Variants in ZNF215 observed in about 807,000 individuals in gnomAD.
ZNF215 encodes BWSCR2-associated zinc finger protein 2.
ZNF215 carries 24 observed loss-of-function variants against 27.2 expected under a neutral mutation model. The observed-to-expected ratio is 0.88, with a 90% CI of 0.64 to 1.24. The LOEUF (loss-of-function observed/expected upper bound fraction) is 1.24. Among genes scored for constraint, ZNF215 ranks in the 50% most tolerant of loss-of-function variants. The probability of loss-of-function intolerance (pLI) is 0.00; values close to 1 mark genes in which losing one functional copy is unlikely to be tolerated. For missense variants in ZNF215, 675 were observed against 605.7 expected (o/e 1.11, Z -1.20); for synonymous variants, 210 against 204.0 (o/e 1.03, Z -0.25).
intron 2 of ZNF215, among the ~76,000 whole-genome samples, chr11:6,931,294 C>T (rs1849249936): frequency 6.6e-6 from 1 of 152,228 alleles, no homozygotes. Flanking sequence ...GAGATACTGG[C>T]TCCTGGGGGA....
At chr11:6,939,054 A>G (rs1311184062) in intron 3 of ZNF215, among the ~76,000 whole-genome samples, 1 of 152,180 alleles carries the variant, frequency 6.6e-6, no homozygotes, top group African/African-American at 2.4e-5. Context: ...AGGAAGTAAA[A>G]ATTGAAAGGA....
intron 5 of ZNF215, among the ~76,000 whole-genome samples, chr11:6,966,141 G>A (rs1043619861): frequency 2.0e-5 from 3 of 152,024 alleles, no homozygotes; most frequent in African/African-American, 7.2e-5. Flanking sequence ...AGCACTTGGT[G>A]TCTTTCAAGA....
chr11:6,968,865 C>T (rs1460384510), intron 5 of ZNF215, among the ~76,000 whole-genome samples: 1 of 146,316 alleles, frequency 6.8e-6, no homozygotes, highest in African/African-American at 2.5e-5. Flanking sequence ...GACCCCATCT[C>T]AAAAAAAAAA....
At chr11:6,938,505 C>G (rs77562711) in intron 3 of ZNF215, among the ~76,000 whole-genome samples, 1 of 151,826 alleles carries the variant, frequency 6.6e-6, no homozygotes, top group African/African-American at 2.4e-5. Flanking sequence ...GTGGAAACAA[C>G]CCAGATGTCC....
At chr11:6,983,760 T>C (rs1232266053) in intron 5 of ZNF215, among the ~76,000 whole-genome samples, 1 of 152,138 alleles carries the variant, frequency 6.6e-6, no homozygotes, top group African/African-American at 2.4e-5. Context: ...AGAAATAGTT[T>C]CATTACATAT....
intron 6 of ZNF215, among the ~76,000 whole-genome samples, chr11:6,948,932 T>C (rs995457054): frequency 3.2e-5 from 4 of 124,888 alleles, no homozygotes; most frequent in Admixed American, 1.0e-4. Flanking sequence ...CAGAGTGTGA[T>C]GTTCCCCTTC....
At chr11:6,951,994 C>A (rs1590066011) in intron 6 of ZNF215, among the ~76,000 whole-genome samples, 1 of 152,240 alleles carries the variant, frequency 6.6e-6, no homozygotes, top group South Asian at 2.1e-4. Context: ...GTTATGCACC[C>A]AGTAGTCATT....
chr11:6,941,576 C>T lies in ZNF215; in HGVS notation c.406C>T (p.Pro136Ser). The change falls in exon 4 of 7, where the codon CCC becomes TCC. Residue 136 changes from proline to serine, a missense_variant. Pro to Ser is a moderately conservative substitution (Grantham distance 74). Coordinates refer to ENST00000278319, the MANE Select transcript of ZNF215 (RefSeq NM_013250.4). ...TTTTCCTTCATCTTCCTCAGATATGCCCTGCAAGGACTCTGCCCTGCAGAT... is the reference window on the plus strand; with the variant it reads ...TTTTCCTTCATCTTCCTCAGATATGTCCTGCAAGGACTCTGCCCTGCAGAT... ...VIEMLEDEDM[P>S]CKDSALQMGS... 6.2e-7 allele frequency: 1 copy of T among 1,613,728 alleles called. No homozygotes were observed. The highest frequency in any genetic ancestry group is 2.2e-5 in the East Asian group (1 of 44,852).
At chr11:6,991,236 G>A (rs955919482), downstream of ZNF215, among the ~76,000 whole-genome samples, 5 of 152,192 alleles carry the variant, frequency 3.3e-5, no homozygotes, top group Non-Finnish European at 5.9e-5. Flanking sequence ...CTTTGCCTGC[G>A]TTTCTTCATG....
At chr11:6,982,587 C>G (rs1850979017) in intron 5 of ZNF215, among the ~76,000 whole-genome samples, 1 of 152,106 alleles carries the variant, frequency 6.6e-6, no homozygotes. Flanking sequence ...CAAACTAGAA[C>G]TCAGGATTAA....
At chr11:6,973,515 A>C (rs1261962017) in intron 5 of ZNF215, among the ~76,000 whole-genome samples, 1 of 152,206 alleles carries the variant, frequency 6.6e-6, no homozygotes, top group Admixed American at 6.5e-5. Flanking sequence ...TCCCACCACC[A>C]GTGTAAAAGT....
downstream of ZNF215, among the ~76,000 whole-genome samples, chr11:6,985,726 T>G (rs1374116252): frequency 6.6e-6 from 1 of 152,172 alleles, no homozygotes; most frequent in Non-Finnish European, 1.5e-5. Context: ...ATCAGTAGCA[T>G]TTCTATATAC....
intron 5 of ZNF215, among the ~76,000 whole-genome samples, chr11:6,963,513 T>C (rs930997364): frequency 6.6e-6 from 1 of 152,122 alleles, no homozygotes; most frequent in African/African-American, 2.4e-5. Flanking sequence ...TATTCATATA[T>C]ATAGGAATAA....
intron 6 of ZNF215, among the ~76,000 whole-genome samples, chr11:6,953,155 G>T (rs1428387133): frequency 3.3e-5 from 5 of 151,970 alleles, no homozygotes; most frequent in Non-Finnish European, 5.9e-5. Flanking sequence ...TTTCTCTCTG[G>T]CTGCCCTTAA....
At chr11:6,929,643 A>G (rs1396736952) in intron 2 of ZNF215, among the ~76,000 whole-genome samples, 2 of 152,220 alleles carry the variant, frequency 1.3e-5, no homozygotes, top group Non-Finnish European at 2.9e-5. Flanking sequence ...AAGATCACAG[A>G]GGCAAAATGC....
chr11:6,972,614 T>G (rs1850740282), intron 5 of ZNF215, among the ~76,000 whole-genome samples: 1 of 152,168 alleles, frequency 6.6e-6, no homozygotes, highest in Non-Finnish European at 1.5e-5. Flanking sequence ...GATTTTAAAT[T>G]AGAGTGGAAG....
intron 6 of ZNF215, among the ~76,000 whole-genome samples, chr11:6,953,052 G>C (rs1252815676): frequency 6.6e-6 from 1 of 152,198 alleles, no homozygotes; most frequent in Non-Finnish European, 1.5e-5. Context: ...TAAGAATGTT[G>C]AATATTGGCC....
Position 6,969,668 on chromosome 11 carries a change from T to C in ZNF215, c.805+13886T>C, listed in dbSNP as rs75714273. On this transcript the variant is annotated intron_variant, in intron 5 of 5. Transcript: ENST00000529903. Reference sequence around the variant, plus strand: ...CAGAATTATCTCAAGATTTAAAATATAGTATACTTATTAAACATGATGGAT... The same window carrying C: ...CAGAATTATCTCAAGATTTAAAATACAGTATACTTATTAAACATGATGGAT... 2.5e-3 allele frequency among the ~76,000 whole-genome samples: 374 copies of C among 152,316 alleles called. 2 individuals carry two copies. Among genetic ancestry groups the C allele is most frequent in the African/African-American group, 7.8e-3 (324 of 41,570 alleles).
intron 3 of ZNF215, among the ~76,000 whole-genome samples, chr11:6,937,844 T>G (rs1466525500): frequency 6.6e-6 from 1 of 151,970 alleles, no homozygotes; most frequent in East Asian, 1.9e-4. Context: ...GTACAAAAAT[T>G]AACTCAAGAT....
Sources: gnomAD v4.1 joint callset for allele counts (sites outside exome capture counted in the v4.1 genomes callset) on GRCh38, gnomAD v4.1.1 for gene constraint, MANE v1.5 for transcripts, NCBI Gene and HGNC (gene_info 2026-07-23, HGNC 2026-07-21) for gene names.